TNIK: variants seen among roughly 807,000 people sequenced by gnomAD.
The protein encoded by TNIK is TRAF2 and NCK-interacting protein kinase.
A neutral mutation model predicts 191.3 loss-of-function variants in TNIK; 49 were observed. The ratio of observed to expected loss-of-function variants is 0.26; its 90% CI spans 0.20 to 0.32. The LOEUF is 0.32. TNIK is among the 10% of genes least tolerant of loss of function. TNIK has a pLI of 1.00. For synonymous variants in TNIK, 594 were observed against 600.9 expected, an observed-to-expected ratio of 0.99 and a Z score of 0.17; for missense variants, 1,155 against 1,702.3, an observed-to-expected ratio of 0.68 and a Z score of 5.66.
intron 2 of TNIK, among the ~76,000 whole-genome samples, chr3:171,311,696 C>T (rs1233555193): frequency 6.6e-6 from 1 of 152,194 alleles, no homozygotes; most frequent in Non-Finnish European, 1.5e-5. Context: ...TATTCACCAT[C>T]ATTCTCCAAA....
chr3:171,267,212 T>C (rs978637971), intron 2 of TNIK, among the ~76,000 whole-genome samples: 1 of 152,162 alleles, frequency 6.6e-6, no homozygotes, highest in Non-Finnish European at 1.5e-5. Context: ...AACTGGTAAG[T>C]ACAGAATTGA....
intron 4 of TNIK, among the ~76,000 whole-genome samples, chr3:171,209,844 T>C (rs1740575247): frequency 6.6e-6 from 1 of 152,222 alleles, no homozygotes; most frequent in Non-Finnish European, 1.5e-5. Flanking sequence ...TTTTATATCT[T>C]TTTTGGTCAC....
At chr3:171,288,650 T>C (rs530810440) in intron 2 of TNIK, among the ~76,000 whole-genome samples, 3 of 152,080 alleles carry the variant, frequency 2.0e-5, no homozygotes, top group East Asian at 3.9e-4. Flanking sequence ...CTACTAAAAA[T>C]ACAAAAAATT....
At chr3:171,272,860 CTTTA>C (rs2109200702) in intron 2 of TNIK, among the ~76,000 whole-genome samples, 1 of 152,314 alleles carries the variant, frequency 6.6e-6, no homozygotes, top group East Asian at 1.9e-4. Flanking sequence ...GTCACTGGCA[CTTTA>C]TTTTGTCCCT....
chr3:171,209,488 T>C (rs1421170705), intron 4 of TNIK, among the ~76,000 whole-genome samples: 1 of 152,178 alleles, frequency 6.6e-6, no homozygotes, highest in African/African-American at 2.4e-5. Context: ...ATTTAAAACA[T>C]GTATATAGTC....
At chr3:171,387,289 T>G (rs571371060) in intron 1 of TNIK, among the ~76,000 whole-genome samples, 1 of 152,292 alleles carries the variant, frequency 6.6e-6, no homozygotes, top group African/African-American at 2.4e-5. Context: ...CTTTTATTAG[T>G]GCAGAAATTC....
At chr3:171,459,920 G>GC in intron 1 of TNIK, 87 bp downstream of exon 1, 3 of 1,157,390 alleles carry the variant, frequency 2.6e-6, no homozygotes, top group Non-Finnish European at 1.2e-6. Flanking sequence ...CTGTCCCCCT[G>GC]CCCCAGCCCC....
chr3:171,153,809 G>A (rs539699918), intron 12 of TNIK, among the ~76,000 whole-genome samples: 5 of 152,228 alleles, frequency 3.3e-5, no homozygotes, highest in South Asian at 4.2e-4. Context: ...CTCCTGTAGC[G>A]GGACTCTGAC....
At chr3:171,431,121 T>C (rs1366882690) in intron 1 of TNIK, among the ~76,000 whole-genome samples, 1 of 152,076 alleles carries the variant, frequency 6.6e-6, no homozygotes, top group Non-Finnish European at 1.5e-5. Context: ...GCAAAGAATC[T>C]TCTTTTGTAA....
chr3:171,319,749 C>A (rs961560777), intron 2 of TNIK, among the ~76,000 whole-genome samples: 1 of 152,084 alleles, frequency 6.6e-6, no homozygotes, highest in Non-Finnish European at 1.5e-5. Context: ...TTTTAAGGTA[C>A]CAGAAATTAA....
At chr3:171,227,333 T>A (rs1743082259) in intron 3 of TNIK, among the ~76,000 whole-genome samples, 1 of 152,190 alleles carries the variant, frequency 6.6e-6, no homozygotes, top group African/African-American at 2.4e-5. Flanking sequence ...TTTATTGTGA[T>A]TATTTGGTCA....
chr3:171,238,714 G>T (rs568480933), intron 2 of TNIK, among the ~76,000 whole-genome samples: 1 of 152,276 alleles, frequency 6.6e-6, no homozygotes, highest in Non-Finnish European at 1.5e-5. Context: ...ATGAATGCTG[G>T]AGTCTATGAA....
At chr3:171,207,452 G>T (rs1300377800) in intron 4 of TNIK, among the ~76,000 whole-genome samples, 2 of 151,702 alleles carry the variant, frequency 1.3e-5, no homozygotes, top group Non-Finnish European at 2.9e-5. Context: ...TCCCAGCCTT[G>T]GTCTCCAAAA....
chr3:171,327,569 G>A (rs1189065565), intron 2 of TNIK, among the ~76,000 whole-genome samples: 1 of 152,070 alleles, frequency 6.6e-6, no homozygotes, highest in Non-Finnish European at 1.5e-5. Flanking sequence ...CAGTGTGACT[G>A]GACAAAAGTT....
intron 29 of TNIK, 129 bp downstream of exon 29, chr3:171,071,094 A>G (rs543619346): frequency 5.1e-6 from 3 of 583,160 alleles, no homozygotes; most frequent in East Asian, 3.1e-5. Context: ...ACCCTAGAGT[A>G]CCTACACTTT....
In TNIK at chr3:171,252,161, A is replaced by G. The variant is rs1259407848; in HGVS notation, c.124-23940T>C. On this transcript the variant is annotated intron_variant, in intron 2 of 32. Coordinates refer to ENST00000436636, the MANE Select transcript of TNIK (RefSeq NM_015028.4). ...CTTCAGCCATTGTTTCCCCTCCCCTATAAATACATCTTCATTGCAAGCAGT... is the reference window on the plus strand; with the variant it reads ...CTTCAGCCATTGTTTCCCCTCCCCTGTAAATACATCTTCATTGCAAGCAGT... Among the ~76,000 whole-genome samples, 4 of 152,190 alleles carry G rather than the reference A, an allele frequency of 2.6e-5. No individual in the cohort carries two copies. The South Asian group carries it at 8.3e-4, about 32-fold the overall frequency.
chr3:171,455,406 C>CTT (rs761736063), intron 1 of TNIK, among the ~76,000 whole-genome samples: 3 of 137,498 alleles, frequency 2.2e-5, no homozygotes, highest in East Asian at 2.1e-4. Context: ...ACCACACTGA[C>CTT]TTTTTTTTTT....
Position 171,320,692 on chromosome 3 carries a change from T to C in TNIK, c.123+48928A>G, listed in dbSNP as rs73879530. Among the ~76,000 whole-genome samples, 268 of 152,364 alleles carry C rather than the reference T, an allele frequency of 1.8e-3. 1 individual carries two copies. The highest frequency in any genetic ancestry group is 6.3e-3 in the African/African-American group (261 of 41,588). ...CAAACAAACTTGCTAAATGGTCTTC[T>C]AACAAAATACTAATAATCCCATGTG... On this transcript the variant is annotated intron_variant, in intron 2 of 32. Coordinates refer to ENST00000436636, the MANE Select transcript of TNIK (RefSeq NM_015028.4).
intron 2 of TNIK, among the ~76,000 whole-genome samples, chr3:171,342,964 C>T (rs536665328): frequency 1.3e-5 from 2 of 152,320 alleles, no homozygotes; most frequent in East Asian, 3.9e-4. Context: ...CTCTTGCCTG[C>T]CACCATGTAA....
Sources: gnomAD v4.1 joint callset for allele counts (sites outside exome capture counted in the v4.1 genomes callset) on GRCh38, gnomAD v4.1.1 for gene constraint, MANE v1.5 for transcripts, NCBI Gene and HGNC (gene_info 2026-07-23, HGNC 2026-07-21) for gene names.